Variants in TEX11 observed in about 807,000 individuals in gnomAD.
The protein encoded by TEX11 is testis expressed 11, also known as testis-expressed protein 11.
In TEX11, 7 loss-of-function variants were observed where a neutral mutation model predicts 84.4. The ratio of observed to expected loss-of-function variants is 0.08; its 90% confidence interval spans 0.05 to 0.16. The LOEUF (loss-of-function observed/expected upper bound fraction) is 0.16. TEX11 is among the 10% of genes least tolerant of loss of function. The probability of loss-of-function intolerance (pLI) is 1.00; values close to 1 mark genes in which losing one functional copy is unlikely to be tolerated. For synonymous variants in TEX11, 264 were observed against 222.8 expected (o/e 1.18, Z -1.64); for missense variants, 551 against 660.5 (o/e 0.83, Z 1.82).
chrX:70,650,056 T>C (rs1244050937), intron 17 of TEX11, among the ~76,000 whole-genome samples: 3 of 111,991 alleles, frequency 2.7e-5, no homozygotes, highest in Non-Finnish European at 5.6e-5. Flanking sequence ...AAAAGATTCA[T>C]ACTATATGAT....
At chrX:70,598,331 C>T (rs1464230113) in intron 24 of TEX11, among the ~76,000 whole-genome samples, 4 of 111,762 alleles carry the variant, frequency 3.6e-5, no homozygotes, top group Non-Finnish European at 7.5e-5. Context: ...TTTATATTCA[C>T]TAGGACGGCT....
intron 17 of TEX11, among the ~76,000 whole-genome samples, chrX:70,633,448 T>C (rs1482957262): frequency 8.9e-6 from 1 of 111,926 alleles, no homozygotes. Context: ...GGTGGAAGAC[T>C]GAATGCTTTC....
intron 9 of TEX11, among the ~76,000 whole-genome samples, chrX:70,789,490 G>A (rs1044067435): frequency 8.9e-6 from 1 of 111,761 alleles, no homozygotes; most frequent in Admixed American, 9.5e-5. Context: ...TACTCGGGAA[G>A]CTGAAGCACG....
At chrX:70,568,903 G>C (rs2088540081) in intron 25 of TEX11, among the ~76,000 whole-genome samples, 2 of 110,352 alleles carry the variant, frequency 1.8e-5, no homozygotes, top group Non-Finnish European at 3.8e-5. Flanking sequence ...CTCTTCTCGA[G>C]GAGTATCTTT....
At chrX:70,594,992 G>A (rs2088985442) in intron 24 of TEX11, among the ~76,000 whole-genome samples, 2 of 111,637 alleles carry the variant, frequency 1.8e-5, no homozygotes, top group Non-Finnish European at 3.8e-5. Context: ...AGACCATATA[G>A]TAACTCTAAT....
chrX:70,900,469 G>A (rs1471594952), intron 2 of TEX11, among the ~76,000 whole-genome samples: 2 of 108,692 alleles, frequency 1.8e-5, no homozygotes, highest in Admixed American at 2.0e-4. Context: ...CAAAACGTAT[G>A]GGATACAGAG....
chrX:70,622,112 A>G (rs748214069), intron 20 of TEX11, among the ~76,000 whole-genome samples: 1 of 112,293 alleles, frequency 8.9e-6, no homozygotes, highest in Non-Finnish European at 1.9e-5. Flanking sequence ...AAAATTTTAC[A>G]GATGAGGAAA....
rs142945581 is a variant in TEX11 at position 70,667,428 on chromosome X, T to G, written c.1380+2949A>C. On this transcript the variant is annotated intron_variant, in intron 16 of 29. Coordinates refer to ENST00000374333, the MANE Select transcript of TEX11 (RefSeq NM_031276.3). ...GGATAAAGGTTTTTATATATTTTGT[T>G]CATTACTATATCCCCAATGCCTAGA... is the stretch of plus-strand genomic sequence containing the variant. 6.0e-3 allele frequency among the ~76,000 whole-genome samples: 673 copies of G among 112,215 alleles called. 6 individuals carry two copies. The highest frequency in any genetic ancestry group is 0.021 in the African/African-American group (644 of 30,878).
chrX:70,671,145 T>A (rs1325089), intron 15 of TEX11, among the ~76,000 whole-genome samples: 1 of 110,326 alleles, frequency 9.1e-6, no homozygotes, highest in Non-Finnish European at 1.9e-5. Context: ...TATTTGTATA[T>A]AAAAATACAT....
the TEX11 span, among the ~76,000 whole-genome samples, chrX:70,522,466 T>C: frequency 8.9e-6 from 1 of 111,975 alleles, no homozygotes; most frequent in South Asian, 3.7e-4. Flanking sequence ...ATTCTGACCA[T>C]ATATGTGTGA....
chrX:70,840,283 T>A (rs964851924), intron 7 of TEX11, among the ~76,000 whole-genome samples: 2 of 111,994 alleles, frequency 1.8e-5, no homozygotes, highest in South Asian at 3.7e-4. Flanking sequence ...CTGATCTCTC[T>A]GCAGAAACTC....
intron 3 of TEX11, among the ~76,000 whole-genome samples, chrX:70,879,646 C>T (rs148674300): frequency 0.01 from 1,148 of 110,913 alleles, 12 homozygotes; most frequent in African/African-American, 0.036. Flanking sequence ...GTGCCCAGGA[C>T]CTTATATATG....
At chrX:70,745,436 A>T in intron 9 of TEX11, among the ~76,000 whole-genome samples, 1 of 107,892 alleles carries the variant, frequency 9.3e-6, no homozygotes, top group Non-Finnish European at 1.9e-5. Flanking sequence ...ATATTCCTTA[A>T]AAAAAAAAAA....
chrX:70,663,738 G>A (rs1603205641), intron 16 of TEX11, among the ~76,000 whole-genome samples: 1 of 111,623 alleles, frequency 9.0e-6, no homozygotes, highest in Admixed American at 9.5e-5. Context: ...ATAACCCCAT[G>A]GTAACTTGAG....
At chrX:70,887,814 C>G (rs1471187580) in intron 2 of TEX11, among the ~76,000 whole-genome samples, 1 of 112,457 alleles carries the variant, frequency 8.9e-6, no homozygotes, top group African/African-American at 3.2e-5. Flanking sequence ...AGGTTTGACC[C>G]AGTACAGTCT....
intron 11 of TEX11, among the ~76,000 whole-genome samples, chrX:70,726,521 C>A (rs758835583): frequency 4.5e-5 from 5 of 110,854 alleles, no homozygotes; most frequent in Non-Finnish European, 9.4e-5. Context: ...TTCTTCATAG[C>A]TTTGTTTGTT....
At chrX:70,515,096 CAGAA>C in the TEX11 span, among the ~76,000 whole-genome samples, 2 of 81,536 alleles carry the variant, frequency 2.5e-5, no homozygotes, top group Non-Finnish European at 4.1e-5. Flanking sequence ...CACACACACA[CAGAA>C]AGAAGGACAT....
intron 24 of TEX11, among the ~76,000 whole-genome samples, chrX:70,594,640 T>C (rs2088979964): frequency 9.0e-6 from 1 of 111,045 alleles, no homozygotes; most frequent in African/African-American, 3.3e-5. Context: ...TTTGGCTGTG[T>C]CCCCACACAA....
At chrX:70,530,807 G>A (rs1284746975) in intron 28 of TEX11, among the ~76,000 whole-genome samples, 3 of 111,756 alleles carry the variant, frequency 2.7e-5, no homozygotes, top group Admixed American at 9.5e-5. Context: ...GGCACTAAGA[G>A]GGAAAAGACA....
Sources: allele counts gnomAD v4.1 joint callset (sites outside exome capture counted in the v4.1 genomes callset), GRCh38; gene constraint gnomAD v4.1.1; transcripts MANE v1.5; gene names NCBI Gene and HGNC (gene_info 2026-07-23, HGNC 2026-07-21).